The following CFAP69 variants were observed in gnomAD, a reference collection of about 807,000 sequenced individuals.
CFAP69 encodes the protein cilia- and flagella-associated protein 69.
In CFAP69, 92 loss-of-function variants were observed where a neutral mutation model predicts 123.0. That is an observed-to-expected ratio of 0.75 (90% CI 0.63 to 0.89). The LOEUF is 0.89. CFAP69 is among the 40% of genes least tolerant of loss of function. CFAP69 has a pLI of 0.00. For missense variants in CFAP69, 1,067 were observed against 1,096.9 expected (o/e 0.97, Z 0.39); for synonymous variants, 380 against 364.3 (o/e 1.04, Z -0.49).
intron 10 of CFAP69, 23 bp from the exon 11 acceptor site, chr7:90,277,190 A>G (rs1788742163): frequency 1.3e-6 from 2 of 1,579,128 alleles, no homozygotes; most frequent in East Asian, 2.3e-5. Flanking sequence ...TTAAGCTTTC[A>G]TTTTACTTTT....
At chr7:90,321,441 G>T in the CFAP69 span, 1 of 153,004 alleles carries the variant, frequency 6.5e-6, no homozygotes, top group Non-Finnish European at 1.5e-5. Flanking sequence ...GCGCCCTGCG[G>T]CCCTGCTTTG....
At chr7:90,304,925 A>G in intron 19 of CFAP69, 105 bp downstream of exon 19, 1 of 828,678 alleles carries the variant, frequency 1.2e-6, no homozygotes, top group Non-Finnish European at 1.8e-6. Context: ...TACATACTGT[A>G]TAGTTTTTAT....
intron 1 of CFAP69, among the ~76,000 whole-genome samples, chr7:90,252,513 CA>C (rs1368958481): frequency 6.6e-6 from 1 of 151,940 alleles, no homozygotes; most frequent in Non-Finnish European, 1.5e-5. Context: ...ACAAAAACTA[CA>C]AAAATTAGCA....
At chr7:90,248,899 T>C (rs1169360089) in intron 1 of CFAP69, among the ~76,000 whole-genome samples, 1 of 152,226 alleles carries the variant, frequency 6.6e-6, no homozygotes, top group Non-Finnish European at 1.5e-5. Flanking sequence ...TAGAAATGCC[T>C]ACCTCATCGA....
rs117683291 is a variant in CFAP69 at position 90,308,650 on chromosome 7, C to T, written c.2551-613C>T. ...TCACTCAAGGTACCAAGTTATCTCC[C>T]TGTTCACTGAAAGTTCTTCCCAATT... On this transcript the variant is annotated intron_variant, in intron 21 of 22. Transcript: ENST00000389297. Among the ~76,000 whole-genome samples, 1,464 of 152,212 alleles carry T rather than the reference C, an allele frequency of 9.6e-3. 7 individuals carry two copies. The highest frequency in any genetic ancestry group is 0.014 in the Non-Finnish European group (969 of 67,964).
At chr7:90,279,637 G>GC in intron 11 of CFAP69, 40 bp from the exon 12 acceptor site, 1 of 1,271,646 alleles carries the variant, frequency 7.9e-7, no homozygotes, top group Non-Finnish European at 1.1e-6. Flanking sequence ...AGTATTTTTG[G>GC]CTATGTTTCT....
At chr7:90,291,634 G>C (rs1791213710) in intron 15 of CFAP69, among the ~76,000 whole-genome samples, 1 of 152,012 alleles carries the variant, frequency 6.6e-6, no homozygotes, top group Admixed American at 6.6e-5. Context: ...TTAATCCTTA[G>C]GGTTGCAGAG....
chr7:90,309,586 TTA>T (rs1176854851), intron 22 of CFAP69, among the ~76,000 whole-genome samples: 1 of 152,022 alleles, frequency 6.6e-6, no homozygotes, highest in Non-Finnish European at 1.5e-5. Context: ...CCCCAAAATA[TTA>T]TGTCAATGGG....
At chr7:90,246,187 T>C (rs2116467186) in intron 1 of CFAP69, among the ~76,000 whole-genome samples, 3 of 152,310 alleles carry the variant, frequency 2.0e-5, no homozygotes, top group Admixed American at 2.0e-4. Flanking sequence ...AATACAAAAT[T>C]CACTCTTGGA....
intron 16 of CFAP69, 82 bp from the exon 17 acceptor site, chr7:90,299,785 A>T: frequency 9.0e-7 from 1 of 1,114,770 alleles, no homozygotes; most frequent in Non-Finnish European, 1.2e-6. Flanking sequence ...TGATAATAGA[A>T]GTGTTTCTCT....
Position 90,304,101 on chromosome 7 carries a change from A to G in CFAP69, c.2183A>G (p.Lys728Arg), listed in dbSNP as rs931732668. The G allele has an allele frequency of 2.5e-5, 38 of 1,547,104 alleles. No individual in the cohort carries two copies. The highest frequency in any genetic ancestry group is 3.3e-5 in the Non-Finnish European group (38 of 1,144,790). Residue 728 changes from lysine to arginine, a missense_variant, in exon 18 of 23, where the codon AAA becomes AGA. Transcript: ENST00000389297. Reference sequence around the variant, plus strand: ...GCAAAAATTTATGCTATATTGGGCAAACTAGGTAAGAAGTTCTCTTCAAAT... The same window carrying G: ...GCAAAAATTTATGCTATATTGGGCAGACTAGGTAAGAAGTTCTCTTCAAAT... ...IRAKIYAILGKLDFENLPGLS... is the reference protein window; with the variant it reads ...IRAKIYAILGRLDFENLPGLS...
chr7:90,276,153 G>C (rs1788568706), intron 9 of CFAP69: 1 of 152,176 alleles, frequency 6.6e-6, no homozygotes, highest in Non-Finnish European at 1.5e-5. Flanking sequence ...AGTCAGTCAC[G>C]TAAGTTCTAG....
downstream of CFAP69, among the ~76,000 whole-genome samples, chr7:90,314,303 T>A (rs1794579807): frequency 6.6e-6 from 1 of 152,150 alleles, no homozygotes; most frequent in South Asian, 2.1e-4. Context: ...AGTTGTGACA[T>A]ATATAATGTT....
the CFAP69 span, among the ~76,000 whole-genome samples, chr7:90,321,800 C>T: frequency 1.3e-5 from 2 of 152,158 alleles, no homozygotes; most frequent in East Asian, 1.9e-4. Flanking sequence ...GAAATGTTTC[C>T]TTTATCCCTT....
At chr7:90,294,359 T>G (rs568555390) in intron 15 of CFAP69, among the ~76,000 whole-genome samples, 8 of 152,348 alleles carry the variant, frequency 5.3e-5, no homozygotes, top group Non-Finnish European at 1.2e-4. Flanking sequence ...TAAAGTCACA[T>G]GAACTGAACA....
downstream of CFAP69, chr7:90,312,553 A>G (rs1271087427): frequency 6.6e-6 from 1 of 152,208 alleles, no homozygotes; most frequent in Non-Finnish European, 1.5e-5. Flanking sequence ...GTGTAAGTTG[A>G]TGGAAAGCAG....
rs1172078966 is a variant in CFAP69, at chr7:90,261,800, A to G, written c.247-147A>G. On this transcript the variant is annotated intron_variant, in intron 3 of 22. Transcript: ENST00000389297. The stretch of plus-strand genomic sequence containing the variant: ...TATGGTTCTAAATTTCCTTTTTTAG[A>G]CTTCAAAATAAGAATAATTAAAACA... 1.8e-4 allele frequency: 71 copies of G among 399,134 alleles called. No homozygotes were observed. The East Asian group carries it at 2.9e-3, about 16-fold the overall frequency. The allele number at this position is 399,134 out of a possible 1,614,324, so 24.7% of individuals were successfully genotyped here.
At chr7:90,254,317 C>T (rs1797384965) in intron 1 of CFAP69, among the ~76,000 whole-genome samples, 1 of 152,070 alleles carries the variant, frequency 6.6e-6, no homozygotes, top group Non-Finnish European at 1.5e-5. Context: ...TTTGGGTGCT[C>T]GCGGTCTACT....
intron 20 of CFAP69, 117 bp downstream of exon 20, chr7:90,307,215 A>G (rs985060149): frequency 1.8e-5 from 13 of 714,452 alleles, no homozygotes; most frequent in African/African-American, 1.5e-4. Context: ...AACTATAGTA[A>G]CAATAATTTA....
Sources: gnomAD v4.1 joint callset for allele counts (sites outside exome capture counted in the v4.1 genomes callset) on GRCh38, gnomAD v4.1.1 for gene constraint, MANE v1.5 for transcripts, NCBI Gene and HGNC (gene_info 2026-07-23, HGNC 2026-07-21) for gene names.